Variants in COL11A1 observed in about 807,000 individuals in gnomAD.
The protein encoded by COL11A1 is collagen alpha-1(XI) chain.
COL11A1 carries 74 observed loss-of-function variants against 265.2 expected under a neutral mutation model. The ratio of observed to expected loss-of-function variants is 0.28; its 90% CI spans 0.23 to 0.34. COL11A1 has a LOEUF of 0.34. Ranked by LOEUF, COL11A1 falls within the 10% of genes least tolerant of loss-of-function variation. COL11A1 has a pLI of 1.00. For missense variants in COL11A1, 2,165 were observed against 2,263.6 expected (o/e 0.96, Z 0.88); for synonymous variants, 816 against 727.6 (o/e 1.12, Z -1.96).
At chr1:103,089,173 A>G (rs558019539) in intron 1 of COL11A1, among the ~76,000 whole-genome samples, 11 of 152,152 alleles carry the variant, frequency 7.2e-5, no homozygotes, top group Admixed American at 2.0e-4. Flanking sequence ...CAGAACTAAT[A>G]AACTAGAATG....
chr1:102,967,486 C>A (rs12123005), intron 37 of COL11A1, among the ~76,000 whole-genome samples: 4 of 151,828 alleles, frequency 2.6e-5, no homozygotes, highest in Admixed American at 6.6e-5. Context: ...GTGATCCGCC[C>A]GCCTCGGCCT....
chr1:103,075,964 C>G (rs2102288614), intron 3 of COL11A1, among the ~76,000 whole-genome samples: 1 of 152,104 alleles, frequency 6.6e-6, no homozygotes, highest in South Asian at 2.1e-4. Flanking sequence ...ATACTTCATG[C>G]CAAGAAATCT....
chr1:103,051,270 G>A (rs573092105), intron 4 of COL11A1, among the ~76,000 whole-genome samples: 37 of 152,328 alleles, frequency 2.4e-4, no homozygotes, highest in African/African-American at 7.2e-4. Context: ...CTTCCTGGCC[G>A]CTTTGTTTAC....
chr1:103,088,751 A>G (rs1279707680), intron 1 of COL11A1, among the ~76,000 whole-genome samples: 1 of 152,200 alleles, frequency 6.6e-6, no homozygotes, highest in Admixed American at 6.5e-5. Context: ...GAAGAAGAGA[A>G]GGAAAGAAAC....
chr1:102,988,090 A>G lies in COL11A1; in HGVS notation c.2395-350T>C, dbSNP rs1365015536. Among the ~76,000 whole-genome samples the G allele has an allele frequency of 5.3e-5, 8 of 152,090 alleles. No individual in the cohort carries two copies. In the East Asian group the frequency reaches 1.4e-3, roughly 26 times the overall value. ...AGTTACAATGTTTATAACTTCCCCA[A>G]TTACTCCTGTAAATAACATCACTAC... is the stretch of plus-strand genomic sequence containing the variant. On this transcript the variant is annotated intron_variant, in intron 29 of 66. Coordinates refer to ENST00000370096, the MANE Select transcript of COL11A1 (RefSeq NM_001854.4).
intron 62 of COL11A1, 50 bp from the exon 63 acceptor site, chr1:102,887,106 T>C: frequency 1.2e-6 from 2 of 1,609,094 alleles, no homozygotes; most frequent in Non-Finnish European, 1.7e-6. Context: ...TGGAATATTC[T>C]GCAGATATTA....
At chr1:103,058,901 T>C (rs1000479419) in intron 4 of COL11A1, among the ~76,000 whole-genome samples, 2 of 152,150 alleles carry the variant, frequency 1.3e-5, no homozygotes, top group Non-Finnish European at 2.9e-5. Flanking sequence ...TGATCTGTGA[T>C]CAGGGATCTT....
chr1:102,904,303 CAT>C (rs1406153599), intron 54 of COL11A1, among the ~76,000 whole-genome samples: 1 of 152,172 alleles, frequency 6.6e-6, no homozygotes, highest in African/African-American at 2.4e-5. Context: ...CTATTCAGGA[CAT>C]AGGCATGGGC....
At chr1:102,938,582 A>G (rs1281919488) in intron 44 of COL11A1, among the ~76,000 whole-genome samples, 1 of 152,156 alleles carries the variant, frequency 6.6e-6, no homozygotes, top group African/African-American at 2.4e-5. Context: ...CATAAAGACA[A>G]GAGTGAACAC....
At chr1:103,073,405 T>A (rs1297059089) in intron 4 of COL11A1, among the ~76,000 whole-genome samples, 1 of 151,788 alleles carries the variant, frequency 6.6e-6, no homozygotes. Context: ...AGATTAGAAA[T>A]TATATTAATA....
At chr1:102,971,045 C>T (rs1460322644) in intron 36 of COL11A1, among the ~76,000 whole-genome samples, 1 of 150,992 alleles carries the variant, frequency 6.6e-6, no homozygotes, top group African/African-American at 2.4e-5. Flanking sequence ...ACCAAGAATG[C>T]AAAATAAATA....
intron 46 of COL11A1, among the ~76,000 whole-genome samples, chr1:102,932,896 C>A (rs1344205743): frequency 6.6e-6 from 1 of 151,556 alleles, no homozygotes; most frequent in African/African-American, 2.4e-5. Flanking sequence ...GCTCCTGAGG[C>A]TTCTGCATTC....
At position 102,877,488 on chromosome 1, in the gene COL11A1, C is replaced by T. The variant is rs895667822; in HGVS notation, c.*531G>A. The T allele has an allele frequency of 6.5e-6, 1 of 152,724 alleles. No individual in the cohort carries two copies. Among genetic ancestry groups the T allele is most frequent in the African/African-American group, 2.4e-5 (1 of 41,410 alleles). The allele number at this position is 152,724 out of a possible 1,614,324, so 9.5% of individuals were successfully genotyped here. A position where few individuals can be genotyped will look rare whatever the true frequency, so the allele number is the denominator to read the frequency against. ...ACCAAAGAAAGGGACTTAGAGTCAT[C>T]AGAAATTACAACTTTATTTTTTCAT... On this transcript the variant is annotated 3_prime_UTR_variant, in exon 67 of 67. Transcript: ENST00000370096.
intron 41 of COL11A1, among the ~76,000 whole-genome samples, chr1:102,959,660 AAAGT>A (rs1660706060): frequency 1.3e-5 from 2 of 152,300 alleles, no homozygotes; most frequent in Admixed American, 6.5e-5. Flanking sequence ...TGCATATAAC[AAAGT>A]AAGTAATAAT....
intron 8 of COL11A1, among the ~76,000 whole-genome samples, chr1:103,022,348 G>T (rs1327761866): frequency 1.3e-5 from 2 of 151,956 alleles, no homozygotes; most frequent in Non-Finnish European, 2.9e-5. Context: ...GTTTTATAAT[G>T]ACATCTATAG....
chr1:103,080,459 TCAAA>T (rs1372902440), intron 2 of COL11A1, among the ~76,000 whole-genome samples: 1 of 151,700 alleles, frequency 6.6e-6, no homozygotes, highest in Non-Finnish European at 1.5e-5. Flanking sequence ...TGTAAGGAAC[TCAAA>T]CAACTCAATA....
Position 103,047,024 on chromosome 1 carries a change from T to TA in COL11A1, c.652-15781_652-15780insT, listed in dbSNP as rs1240189807. Among the ~76,000 whole-genome samples, 13 of 152,314 alleles carry TA rather than the reference T, an allele frequency of 8.5e-5. No individual in the cohort carries two copies. The East Asian group carries it at 2.3e-3, about 27-fold the overall frequency. On this transcript the variant is annotated intron_variant, in intron 4 of 66. Transcript: ENST00000370096. ...GTTACTGTAGCCTTGTAGTATAGTT[T>TA]GAAGTCAGGTAGTGGGATGCCTCCA...
intron 5 of COL11A1, among the ~76,000 whole-genome samples, chr1:103,028,265 C>T (rs759071320): frequency 3.8e-4 from 58 of 152,074 alleles, no homozygotes; most frequent in Non-Finnish European, 6.6e-4. Context: ...AACTCCTGAC[C>T]TCAGGTGATC....
intron 46 of COL11A1, among the ~76,000 whole-genome samples, chr1:102,930,904 T>C (rs1284733444): frequency 6.6e-6 from 1 of 151,720 alleles, no homozygotes; most frequent in Non-Finnish European, 1.5e-5. Context: ...TATTCTCTGA[T>C]GGTAGTTTGT....
Sources: gnomAD v4.1 joint callset for allele counts (sites outside exome capture counted in the v4.1 genomes callset) on GRCh38, gnomAD v4.1.1 for gene constraint, MANE v1.5 for transcripts, NCBI Gene and HGNC (gene_info 2026-07-23, HGNC 2026-07-21) for gene names.